FGF13: variants seen among roughly 807,000 people sequenced by gnomAD.
The protein encoded by FGF13 is fibroblast growth factor homologous factor 2.
A neutral mutation model predicts 19.5 loss-of-function variants in FGF13; 2 were observed. The ratio of observed to expected loss-of-function variants is 0.10; its 90% confidence interval spans 0.04 to 0.32. The LOEUF is 0.32. Among genes scored for constraint, FGF13 ranks in the 10% least tolerant of loss-of-function variants. The pLI, the probability that FGF13 is intolerant of heterozygous loss-of-function variation, is 1.00. For synonymous variants in FGF13, 72 were observed against 76.9 expected (o/e 0.94, Z 0.33); for missense variants, 113 against 192.7 (o/e 0.59, Z 2.45).
At chrX:139,111,129 G>A (rs749971589) in intron 1 of FGF13, among the ~76,000 whole-genome samples, 1 of 112,225 alleles carries the variant, frequency 8.9e-6, no homozygotes, top group Admixed American at 9.5e-5. Context: ...ATCTCAAAAG[G>A]CAGAGATAGA....
intron 3 of FGF13, among the ~76,000 whole-genome samples, chrX:138,812,128 C>A (rs997217235): frequency 9.0e-6 from 1 of 111,522 alleles, no homozygotes; most frequent in African/African-American, 3.3e-5. Context: ...CTAGATTTGC[C>A]TATTCTAAAA....
At chrX:138,838,022 T>C (rs1321752394) in intron 3 of FGF13, among the ~76,000 whole-genome samples, 1 of 112,292 alleles carries the variant, frequency 8.9e-6, no homozygotes, top group East Asian at 2.8e-4. Flanking sequence ...GGGGGATCCC[T>C]TCAAACCTTG....
chrX:138,778,991 C>G (rs1417955128), intron 3 of FGF13, among the ~76,000 whole-genome samples: 1 of 112,431 alleles, frequency 8.9e-6, no homozygotes, highest in East Asian at 2.8e-4. Context: ...ACTGCCTCCT[C>G]AAGTGGGTCC....
rs768224752 is a variant in FGF13, at chrX:138,819,483, T to C, written c.217+38029A>G. Among the ~76,000 whole-genome samples the C allele has an allele frequency of 1.1e-4, 12 of 111,796 alleles. No individual in the cohort carries two copies. In the East Asian group the frequency reaches 2.5e-3, roughly 24 times the overall value. On this transcript the variant is annotated intron_variant, in intron 3 of 6. Transcript: ENST00000436198. ...ACAGCTCTTGTACTTTTTGCTTTCA[T>C]ATCATAAAGCCTCCAGATCCTTCTC...
chrX:138,639,215 C>G lies in FGF13; in HGVS notation c.403-3560G>C, dbSNP rs778432833. On this transcript the variant is annotated intron_variant, in intron 3 of 4. Transcript: ENST00000315930. ...ATGAATAATAGAAATTGGATTTGTC[C>G]CAACCCACGAAATCCCTGTTCAGAG... is the stretch of plus-strand genomic sequence containing the variant. 3.7e-4 allele frequency among the ~76,000 whole-genome samples: 41 copies of G among 111,577 alleles called. No homozygotes were observed. The Admixed American group carries it at 3.8e-3, about 10-fold the overall frequency.
At chrX:138,705,019 C>A (rs1368093557) in intron 2 of FGF13, among the ~76,000 whole-genome samples, 4 of 111,636 alleles carry the variant, frequency 3.6e-5, no homozygotes, top group Non-Finnish European at 7.5e-5. Context: ...AAGTAAGAGA[C>A]CACAATCCCA....
intron 1 of FGF13, among the ~76,000 whole-genome samples, chrX:139,173,171 T>C (rs776354738): frequency 1.8e-5 from 2 of 111,600 alleles, no homozygotes; most frequent in Non-Finnish European, 3.8e-5. Flanking sequence ...ATATCTGTTT[T>C]GAAAGAAAAG....
intron 3 of FGF13, among the ~76,000 whole-genome samples, chrX:138,636,671 A>C (rs761550317): frequency 1.7e-4 from 19 of 112,032 alleles, no homozygotes; most frequent in South Asian, 7.5e-4. Flanking sequence ...AGTGAGCTAC[A>C]TGTCATAGAG....
intron 1 of FGF13, among the ~76,000 whole-genome samples, chrX:138,873,991 C>T (rs190144421): frequency 0.049 from 1,383 of 28,143 alleles, 41 homozygotes; most frequent in African/African-American, 0.16. Flanking sequence ...CATCACACAC[C>T]GGGGCCTGTT....
chrX:139,066,277 G>A (rs1024194398), intron 1 of FGF13, among the ~76,000 whole-genome samples: 2 of 111,169 alleles, frequency 1.8e-5, no homozygotes, highest in Admixed American at 9.6e-5. Context: ...AGAAGGAAGA[G>A]CAAACACATT....
chrX:138,888,973 A>C (rs1223283639), intron 1 of FGF13, among the ~76,000 whole-genome samples: 1 of 112,164 alleles, frequency 8.9e-6, no homozygotes, highest in Non-Finnish European at 1.9e-5. Flanking sequence ...TGGGCATTAG[A>C]ATCATTCATT....
At chrX:138,640,030 T>C (rs149334100) in intron 3 of FGF13, among the ~76,000 whole-genome samples, 3 of 110,914 alleles carry the variant, frequency 2.7e-5, no homozygotes, top group African/African-American at 9.8e-5. Flanking sequence ...AGTATCATTA[T>C]AGTATAATGA....
chrX:138,738,363 T>A (rs1232973271), intron 1 of FGF13, among the ~76,000 whole-genome samples: 1 of 112,283 alleles, frequency 8.9e-6, no homozygotes, highest in Non-Finnish European at 1.9e-5. Flanking sequence ...AGGGTTTCAA[T>A]GAAAGTGTTT....
At chrX:139,125,671 G>A (rs139806255) in intron 1 of FGF13, among the ~76,000 whole-genome samples, 178 of 111,941 alleles carry the variant, frequency 1.6e-3, no homozygotes, top group African/African-American at 5.7e-3. Context: ...TTAAGCAGAC[G>A]TGGTCTGGGC....
intron 3 of FGF13, among the ~76,000 whole-genome samples, chrX:138,779,239 A>G (rs1226894754): frequency 9.1e-6 from 1 of 110,331 alleles, no homozygotes; most frequent in Non-Finnish European, 1.9e-5. Context: ...AAAACTGGAA[A>G]CTCTAAAAAG....
At chrX:138,689,386 C>T (rs2089816746) in intron 3 of FGF13, among the ~76,000 whole-genome samples, 1 of 71,748 alleles carries the variant, frequency 1.4e-5, no homozygotes, top group East Asian at 4.6e-4. Context: ...TGGGTCTACA[C>T]CTACACTCAC....
At chrX:139,100,041 A>AACACACACACACACAC (rs56821859) in intron 1 of FGF13, among the ~76,000 whole-genome samples, 109 of 76,408 alleles carry the variant, frequency 1.4e-3, no homozygotes, top group Middle Eastern at 7.8e-3. Context: ...GGGGAAAGCA[A>AACACACACACACACAC]ACACACACAC....
intron 1 of FGF13, among the ~76,000 whole-genome samples, chrX:139,154,763 T>A (rs1330511397): frequency 8.9e-6 from 1 of 111,965 alleles, no homozygotes; most frequent in Non-Finnish European, 1.9e-5. Context: ...GTGCTTTCAA[T>A]ATATTTTGAT....
chrX:138,897,207 G>A lies in FGF13; in HGVS notation c.-112-32557C>T, dbSNP rs780516980. Among the ~76,000 whole-genome samples the A allele has an allele frequency of 4.5e-5, 5 of 111,314 alleles. No homozygotes were observed. In the South Asian group the frequency reaches 1.5e-3, roughly 34 times the overall value. On this transcript the variant is annotated intron_variant, in intron 1 of 2. Coordinates refer to the FGF13 transcript ENST00000421460. ...GTATTTTTTGTAGAGATGGGGTTTC[G>A]CCATGTTGCCCAGGCTGGTCTCCAA...
Sources: allele counts gnomAD v4.1 joint callset (sites outside exome capture counted in the v4.1 genomes callset), GRCh38; gene constraint gnomAD v4.1.1; transcripts MANE v1.5; gene names NCBI Gene and HGNC (gene_info 2026-07-23, HGNC 2026-07-21).